Variants in AGAP3 observed in about 807,000 individuals in gnomAD.
AGAP3 encodes the protein arf-GAP with GTPase, ANK repeat and PH domain-containing protein 3.
Under a neutral mutation model 96.9 loss-of-function variants are expected in AGAP3, and 24 were observed. The ratio of observed to expected loss-of-function variants is 0.25; its 90% confidence interval spans 0.18 to 0.35. The LOEUF (loss-of-function observed/expected upper bound fraction) is 0.35. Ranked by LOEUF, AGAP3 falls within the 10% of genes least tolerant of loss-of-function variation. The pLI is 1.00. For missense variants in AGAP3, 876 were observed against 1,254.2 expected (o/e 0.70, Z 4.55); for synonymous variants, 563 against 536.1 (o/e 1.05, Z -0.69).
intron 10 of AGAP3, among the ~76,000 whole-genome samples, chr7:151,131,684 G>C (rs955422718): frequency 6.6e-6 from 1 of 152,226 alleles, no homozygotes; most frequent in Non-Finnish European, 1.5e-5. Context: ...AGAGTGTCTG[G>C]CTGGTGCCGT....
At position 151,138,270 on chromosome 7, in the gene AGAP3, G is replaced by C. The variant is rs367611573; in HGVS notation, c.1623G>C (p.Trp541Cys). Residue 541 changes from tryptophan (W) to cysteine (C), a missense_variant, in exon 12 of 18, where the codon TGG becomes TGC. Coordinates refer to ENST00000397238, the MANE Select transcript of AGAP3 (RefSeq NM_031946.7). Reference protein sequence around the residue: ...RSCSVSSADQWSEATTSLPPG... With the variant: ...RSCSVSSADQCSEATTSLPPG... The stretch of plus-strand genomic sequence containing the variant: ...GCTCCGTTTCCAGCGCCGACCAGTG[G>C]AGTGAGGCCACCACTTCCCTGCCCC... The C allele has an allele frequency of 7.3e-5, 117 of 1,612,740 alleles. No individual in the cohort carries two copies. The highest frequency in any genetic ancestry group is 9.6e-5 in the Non-Finnish European group (113 of 1,179,780).
rs113722668 is a variant in AGAP3 at position 151,133,117 on chromosome 7, G to A, written c.1327-1283G>A. Among the ~76,000 whole-genome samples, 11 of 152,148 alleles carry A rather than the reference G, an allele frequency of 7.2e-5. No homozygotes were observed. Among genetic ancestry groups the A allele is most frequent in the East Asian group, 3.9e-4 (2 of 5,190 alleles). On this transcript the variant is annotated intron_variant, in intron 10 of 17. Coordinates refer to ENST00000397238, the MANE Select transcript of AGAP3 (RefSeq NM_031946.7). The surrounding 1 kb of genome is among the most constrained non-coding windows in gnomAD (Gnocchi z 5.4). Reference sequence around the variant, plus strand: ...TGCTCACAGAGGGGAAAGGAGGAGCGGCTTTATGTCCAATCAATGTAATTC... The same window carrying A: ...TGCTCACAGAGGGGAAAGGAGGAGCAGCTTTATGTCCAATCAATGTAATTC...
rs368405606 is a variant in AGAP3, at chr7:151,087,593, G to A, written c.331+521G>A. ...CGCGGCGGCCAAGCGGGAGCGGGCC[G>A]GGCCTGGCGCTGGGCTGAGGCTCAG... On this transcript the variant is annotated intron_variant, in intron 1 of 17. Transcript: ENST00000397238. 3.6e-4 allele frequency among the ~76,000 whole-genome samples: 55 copies of A among 152,224 alleles called. No homozygotes were observed. The South Asian group carries it at 6.2e-3, about 17-fold the overall frequency.
At chr7:151,119,884 AG>A in intron 7 of AGAP3, 102 bp from the exon 8 acceptor site, 2 of 1,136,382 alleles carry the variant, frequency 1.8e-6, no homozygotes, top group Non-Finnish European at 1.3e-6. Context: ...GCTGCCCATG[AG>A]CCCCGGCCAG....
intron 11 of AGAP3, among the ~76,000 whole-genome samples, chr7:151,135,543 T>C (rs1230610940): frequency 6.6e-6 from 1 of 152,238 alleles, no homozygotes; most frequent in Non-Finnish European, 1.5e-5. Flanking sequence ...ACAAGGCTGA[T>C]GGGACTCCGC....
chr7:151,133,539 G>T lies in AGAP3; in HGVS notation c.1327-861G>T, dbSNP rs963773745. ...TGACTTGAAAGCAGGGTGAGTCCCG[G>T]GCCCAGGACAGGCTGGAGGAAGCCT... On this transcript the variant is annotated intron_variant, in intron 10 of 17. Transcript: ENST00000397238. This position sits in a 1 kb window ranked among gnomAD's most constrained non-coding sequence, Gnocchi z 5.4. Among the ~76,000 whole-genome samples, 1 of 152,086 alleles carries T rather than the reference G, an allele frequency of 6.6e-6. No individual in the cohort carries two copies. Among genetic ancestry groups the T allele is most frequent in the African/African-American group, 2.4e-5 (1 of 41,408 alleles).
intron 9 of AGAP3, among the ~76,000 whole-genome samples, chr7:151,127,959 C>T (rs1800245579): frequency 6.6e-6 from 1 of 152,200 alleles, no homozygotes; most frequent in South Asian, 2.1e-4. Context: ...ATTCTTCTAG[C>T]CATCCAGCCT....
intron 1 of AGAP3, among the ~76,000 whole-genome samples, chr7:151,109,652 TC>T (rs1219971688): frequency 2.0e-5 from 3 of 152,164 alleles, no homozygotes; most frequent in Non-Finnish European, 4.4e-5. Context: ...AAGGTCACAT[TC>T]TGAGGTCCTG....
At chr7:151,105,787 C>T (rs1346382579) in intron 1 of AGAP3, among the ~76,000 whole-genome samples, 2 of 56,216 alleles carry the variant, frequency 3.6e-5, no homozygotes, top group Non-Finnish European at 7.1e-5. Flanking sequence ...CCCCCCCCCC[C>T]GACACCACAC....
Position 151,117,966 on chromosome 7 carries a change from C to G in AGAP3, c.706+189C>G, listed in dbSNP as rs891953929. 8 of 909,756 alleles carry G rather than the reference C, an allele frequency of 8.8e-6. No individual in the cohort carries two copies. The East Asian group carries it at 2.1e-4, about 24-fold the overall frequency. 56.4% of individuals were successfully genotyped at this position (909,756 alleles called of 1,614,324 possible). On this transcript the variant is annotated intron_variant, in intron 5 of 17. Coordinates refer to ENST00000397238, the MANE Select transcript of AGAP3 (RefSeq NM_031946.7). The stretch of plus-strand genomic sequence containing the variant: ...TTGCCCCCACTGAAACCTGCTGTCC[C>G]TGTGACTAGCAGGTCTGTGTTTTTT...
At chr7:151,111,752 C>T (rs541639865) in intron 1 of AGAP3, among the ~76,000 whole-genome samples, 5 of 152,254 alleles carry the variant, frequency 3.3e-5, no homozygotes, top group South Asian at 2.1e-4. Context: ...TTCGTCCTGC[C>T]CCAGGATGCA....
chr7:151,092,746 G>C (rs573848006), intron 1 of AGAP3, among the ~76,000 whole-genome samples: 11 of 152,292 alleles, frequency 7.2e-5, no homozygotes, highest in South Asian at 2.1e-4. Flanking sequence ...CACGCAGTGA[G>C]GGGAGGAAGC....
intron 1 of AGAP3, among the ~76,000 whole-genome samples, chr7:151,104,926 C>T (rs765379084): frequency 4.5e-4 from 69 of 152,298 alleles, no homozygotes; most frequent in Admixed American, 1.9e-3. Flanking sequence ...CAAGCTAGAG[C>T]CAACCCAGTG....
rs555866168 is a variant in AGAP3, at chr7:151,142,237, C to T, written c.2034C>T (p.Ile678=). The change falls in exon 15 of 18, where the codon ATC becomes ATT. Residue 678 remains isoleucine (I), a synonymous_variant. Transcript: ENST00000397238. The surrounding 1 kb of genome is among the most constrained non-coding windows in gnomAD (Gnocchi z 7.5). ...CCGTCCGCGGCAACAGCTTTTGTAT[C>T]GACTGCGATGCACCCAGTGAGTGCA... is the stretch of plus-strand genomic sequence containing the variant. ...VRTVRGNSFC[I]DCDAPNPDWA... 21 of 1,613,134 alleles carry T rather than the reference C, an allele frequency of 1.3e-5. No individual in the cohort carries two copies. Among genetic ancestry groups the T allele is most frequent in the Non-Finnish European group, 1.4e-5 (16 of 1,179,988 alleles).
intron 9 of AGAP3, 56 bp from the exon 10 acceptor site, chr7:151,128,524 A>G: frequency 6.7e-7 from 1 of 1,482,644 alleles, no homozygotes; most frequent in Non-Finnish European, 9.4e-7. Context: ...TGACCTCCTC[A>G]TGCCCTATGA....
At position 151,086,949 on chromosome 7, in the gene AGAP3, C is replaced by A; in HGVS notation, c.208C>A (p.Arg70=). 6.2e-7 allele frequency: 1 copy of A among 1,611,208 alleles called. No homozygotes were observed. Among genetic ancestry groups the A allele is most frequent in the Non-Finnish European group, 8.5e-7 (1 of 1,178,940 alleles). The change falls in exon 1 of 18, where the codon CGG becomes AGG. Residue 70 remains arginine (R), a synonymous_variant. Coordinates refer to ENST00000397238, the MANE Select transcript of AGAP3 (RefSeq NM_031946.7). The part of the protein sequence containing the change: ...QFALSNSAAI[R]AEIQRFESVH... ...CGCGCTCTCCAACTCCGCGGCCATC[C>A]GGGCCGAGATCCAGCGCTTCGAGTC...
At chr7:151,136,134 C>G (rs749811388) in intron 11 of AGAP3, 1 of 152,340 alleles carries the variant, frequency 6.6e-6, no homozygotes, top group African/African-American at 2.4e-5. Flanking sequence ...CCCTCTGGCA[C>G]CGGCCCCCAG....
intron 1 of AGAP3, among the ~76,000 whole-genome samples, chr7:151,100,304 T>G (rs1284284903): frequency 6.6e-6 from 1 of 152,172 alleles, no homozygotes; most frequent in African/African-American, 2.4e-5. Flanking sequence ...CCAAGAACCC[T>G]CCTGGCTTCC....
At chr7:151,119,748 G>A (rs757642162) in intron 7 of AGAP3, among the ~76,000 whole-genome samples, 6 of 152,282 alleles carry the variant, frequency 3.9e-5, no homozygotes, top group East Asian at 1.9e-4. Context: ...CACTCCTGCC[G>A]GGGCCCCAGG....
Sources: gnomAD v4.1 joint callset for allele counts (sites outside exome capture counted in the v4.1 genomes callset) on GRCh38, gnomAD v4.1.1 for gene constraint, Gnocchi (gnomAD v3.1) non-coding constraint, MANE v1.5 for transcripts, NCBI Gene and HGNC (gene_info 2026-07-23, HGNC 2026-07-21) for gene names.